Variants in TENM2 observed in about 807,000 individuals in gnomAD.
TENM2 encodes teneurin-2.
In TENM2, 52 loss-of-function variants were observed where a neutral mutation model predicts 245.2. The observed-to-expected ratio is 0.21, with a 90% CI of 0.17 to 0.27. TENM2 has a LOEUF of 0.27. Among genes scored for constraint, TENM2 ranks in the 10% least tolerant of loss-of-function variants. The pLI is 1.00. For missense variants in TENM2, 3,046 were observed against 3,666.8 expected, an observed-to-expected ratio of 0.83 and a Z score of 4.37; for synonymous variants, 1,363 against 1,438.9, an observed-to-expected ratio of 0.95 and a Z score of 1.19.
At chr5:168,012,788 A>AAAAAAC (rs1785346001) in intron 5 of TENM2, among the ~76,000 whole-genome samples, 1 of 151,578 alleles carries the variant, frequency 6.6e-6, no homozygotes, top group African/African-American at 2.4e-5. Context: ...AAAAAAAAAA[A>AAAAAAC]AAAAAAAAAC....
chr5:167,748,227 C>G (rs1356514895), intron 2 of TENM2, among the ~76,000 whole-genome samples: 2 of 152,116 alleles, frequency 1.3e-5, no homozygotes, highest in Non-Finnish European at 2.9e-5. Context: ...TGCTTCCACC[C>G]TACATTTTGG....
intron 1 of TENM2, among the ~76,000 whole-genome samples, chr5:167,369,451 A>T (rs1310874198): frequency 2.0e-5 from 3 of 150,170 alleles, no homozygotes; most frequent in African/African-American, 7.3e-5. Flanking sequence ...TTGATGAACT[A>T]TTTTTTTTTT....
Position 167,617,781 on chromosome 5 carries a change from G to A in TENM2, c.502+242308G>A, listed in dbSNP as rs541107103. On this transcript the variant is annotated intron_variant, in intron 2 of 28. Transcript: ENST00000518659. The stretch of plus-strand genomic sequence containing the variant: ...TCAAATGGAAAGAAAAGTCATGGAC[G>A]AATGGTTAAGTAAAAAAAGAATCAC... Among the ~76,000 whole-genome samples, 64 of 152,254 alleles carry A rather than the reference G, an allele frequency of 4.2e-4. No individual in the cohort carries two copies. In the South Asian group the frequency reaches 4.6e-3, roughly 11 times the overall value.
intron 12 of TENM2, among the ~76,000 whole-genome samples, chr5:168,138,709 A>T (rs1458958354): frequency 6.6e-6 from 1 of 152,226 alleles, no homozygotes; most frequent in Non-Finnish European, 1.5e-5. Context: ...GGTGTTCTAA[A>T]CATCAATAAG....
the TENM2 span, among the ~76,000 whole-genome samples, chr5:166,982,020 T>C: frequency 6.6e-6 from 1 of 152,168 alleles, no homozygotes; most frequent in Admixed American, 6.5e-5. Context: ...TAAGCTTCTT[T>C]TAACTTTTTG....
intron 2 of TENM2, among the ~76,000 whole-genome samples, chr5:167,858,505 T>C (rs1054110249): frequency 5.3e-5 from 8 of 152,190 alleles, no homozygotes; most frequent in Admixed American, 2.0e-4. Context: ...AGTGGCTTCT[T>C]TCCTGGCAAC....
chr5:167,655,606 A>C (rs1754788129), intron 2 of TENM2, among the ~76,000 whole-genome samples: 2 of 152,238 alleles, frequency 1.3e-5, no homozygotes, highest in Admixed American at 1.3e-4. Flanking sequence ...TGTATCAGTC[A>C]CATCACATTT....
At chr5:167,209,997 G>C in the TENM2 span, among the ~76,000 whole-genome samples, 4 of 152,138 alleles carry the variant, frequency 2.6e-5, no homozygotes, top group Non-Finnish European at 2.9e-5. Context: ...CCATGCCCTG[G>C]TGTCTTAAAT....
the TENM2 span, among the ~76,000 whole-genome samples, chr5:167,014,727 G>A: frequency 1.3e-5 from 2 of 152,150 alleles, no homozygotes; most frequent in African/African-American, 4.8e-5. Context: ...TTCATTACAC[G>A]GAGTATCCTC....
intron 2 of TENM2, among the ~76,000 whole-genome samples, chr5:167,529,291 G>T (rs755241229): frequency 3.3e-5 from 5 of 152,012 alleles, no homozygotes; most frequent in Non-Finnish European, 5.9e-5. Flanking sequence ...CAGACTCTTG[G>T]TCCTGCTTCA....
At chr5:167,679,155 C>T (rs949115921) in intron 2 of TENM2, among the ~76,000 whole-genome samples, 7 of 152,082 alleles carry the variant, frequency 4.6e-5, no homozygotes, top group African/African-American at 1.7e-4. Context: ...ATATCAGCTG[C>T]CACAGGACTT....
At chr5:167,257,172 G>A in the TENM2 span, among the ~76,000 whole-genome samples, 1 of 151,948 alleles carries the variant, frequency 6.6e-6, no homozygotes, top group Non-Finnish European at 1.5e-5. Flanking sequence ...AGGTTATACA[G>A]ATAAAATAGA....
chr5:167,829,368 A>G (rs1410028231), intron 2 of TENM2, among the ~76,000 whole-genome samples: 1 of 152,232 alleles, frequency 6.6e-6, no homozygotes, highest in Non-Finnish European at 1.5e-5. Context: ...ACAATCCTTT[A>G]CAATATAGGA....
intron 2 of TENM2, among the ~76,000 whole-genome samples, chr5:167,441,273 A>G (rs773971508): frequency 2.6e-5 from 4 of 152,222 alleles, no homozygotes; most frequent in Non-Finnish European, 5.9e-5. Context: ...TAATCTTTAT[A>G]TACCAGTTTG....
chr5:167,318,380 G>T (rs1581732049), intron 1 of TENM2, among the ~76,000 whole-genome samples: 1 of 151,822 alleles, frequency 6.6e-6, no homozygotes. Context: ...CAATAACTTG[G>T]ATTCACTTAA....
chr5:167,068,171 G>T, the TENM2 span, among the ~76,000 whole-genome samples: 1 of 152,172 alleles, frequency 6.6e-6, no homozygotes, highest in Non-Finnish European at 1.5e-5. Flanking sequence ...CATTTGATGT[G>T]TCTTTCTGAA....
intron 2 of TENM2, among the ~76,000 whole-genome samples, chr5:167,553,123 A>T (rs1389013628): frequency 1.3e-5 from 2 of 152,236 alleles, no homozygotes; most frequent in African/African-American, 4.8e-5. Flanking sequence ...GCTTGATGGG[A>T]TCAGAGAAGA....
chr5:167,506,715 C>T (rs895400966), intron 2 of TENM2, among the ~76,000 whole-genome samples: 4 of 152,134 alleles, frequency 2.6e-5, no homozygotes, highest in South Asian at 2.1e-4. Flanking sequence ...CTCTTTAAAA[C>T]TCTCAGTTTA....
chr5:167,213,394 C>A, the TENM2 span, among the ~76,000 whole-genome samples: 1 of 152,126 alleles, frequency 6.6e-6, no homozygotes, highest in Non-Finnish European at 1.5e-5. Context: ...CCTCACCAGG[C>A]AGAAGGGGTA....
Sources: gnomAD v4.1 joint callset for allele counts (sites outside exome capture counted in the v4.1 genomes callset) on GRCh38, gnomAD v4.1.1 for gene constraint, MANE v1.5 for transcripts, NCBI Gene and HGNC (gene_info 2026-07-23, HGNC 2026-07-21) for gene names.